BLTP1: variants seen among roughly 807,000 people sequenced by gnomAD.
BLTP1 encodes the protein fragile site-associated protein.
chr4:122,200,904 A>G, the BLTP1 span: 1 of 1,465,746 alleles, frequency 6.8e-7, no homozygotes, highest in Admixed American at 2.5e-5. Flanking sequence ...CTCAGTAGGA[A>G]AATGTTTTAA....
At chr4:122,192,598 TGATTGATTAGAATTA>T in the BLTP1 span, among the ~76,000 whole-genome samples, 1 of 152,130 alleles carries the variant, frequency 6.6e-6, no homozygotes, top group African/African-American at 2.4e-5. Context: ...TATCTAATTC[TGATTGATTAGAATTA>T]GATTGATTAG....
the BLTP1 span, chr4:122,247,044 G>T: frequency 7.7e-7 from 1 of 1,298,516 alleles, no homozygotes; most frequent in Non-Finnish European, 1.0e-6. Flanking sequence ...TACTACTATT[G>T]GTGTATAATA....
the BLTP1 span, chr4:122,336,811 C>A: frequency 6.8e-7 from 1 of 1,475,870 alleles, no homozygotes; most frequent in Non-Finnish European, 9.1e-7. Flanking sequence ...CTAGTATAAA[C>A]AATAAGGATC....
the BLTP1 span, chr4:122,238,105 C>T: frequency 6.2e-7 from 1 of 1,613,402 alleles, no homozygotes; most frequent in Non-Finnish European, 8.5e-7. Context: ...ATGTGAATGG[C>T]ATGAAGAGGA....
chr4:122,278,371 CAGAA>C, the BLTP1 span, among the ~76,000 whole-genome samples: 2 of 152,058 alleles, frequency 1.3e-5, no homozygotes, highest in Admixed American at 1.3e-4. Flanking sequence ...CAAAAAAAGT[CAGAA>C]GGAGCCAAAT....
chr4:122,299,154 C>A, the BLTP1 span: 1 of 984,274 alleles, frequency 1.0e-6, no homozygotes, highest in Admixed American at 6.2e-5. Context: ...TGGCAAACAT[C>A]ATGTAGGAAG....
the BLTP1 span, chr4:122,162,732 C>CAAAA: frequency 1.3e-6 from 1 of 744,492 alleles, no homozygotes; most frequent in Non-Finnish European, 1.6e-6. Context: ...ATAACAACAA[C>CAAAA]AACAAAAAAA....
At chr4:122,290,477 C>A in the BLTP1 span, among the ~76,000 whole-genome samples, 1 of 151,880 alleles carries the variant, frequency 6.6e-6, no homozygotes, top group African/African-American at 2.4e-5. Context: ...AGAATACTTT[C>A]AAGATAGTTT....
chr4:122,310,905 A>G, the BLTP1 span: 1 of 932,732 alleles, frequency 1.1e-6, no homozygotes, highest in Non-Finnish European at 1.3e-6. Flanking sequence ...CATGCCTATT[A>G]TCCAAAAGAC....
the BLTP1 span, chr4:122,211,113 A>C: frequency 6.3e-7 from 1 of 1,590,042 alleles, no homozygotes; most frequent in Non-Finnish European, 8.6e-7. Flanking sequence ...TCTTAAAAAC[A>C]ACTTACATAC....
At chr4:122,229,666 A>G in the BLTP1 span, 2 of 925,778 alleles carry the variant, frequency 2.2e-6, no homozygotes, top group Non-Finnish European at 2.6e-6. Flanking sequence ...TTCATTATTT[A>G]CTTCTCTTGT....
At chr4:122,266,362 A>C in the BLTP1 span, among the ~76,000 whole-genome samples, 1 of 152,200 alleles carries the variant, frequency 6.6e-6, no homozygotes, top group Non-Finnish European at 1.5e-5. Flanking sequence ...AACATTTATA[A>C]TGTTTTTATA....
chr4:122,247,466 T>G, the BLTP1 span: 1 of 1,298,994 alleles, frequency 7.7e-7, no homozygotes. Flanking sequence ...TTCGGTATTC[T>G]ATAAGAAAGA....
chr4:122,194,913 A>G, the BLTP1 span, among the ~76,000 whole-genome samples: 1 of 151,826 alleles, frequency 6.6e-6, no homozygotes, highest in Non-Finnish European at 1.5e-5. Flanking sequence ...TTATTTAAAA[A>G]AGAAAAAAAA....
At chr4:122,189,893 G>GT in the BLTP1 span, 1,033 of 1,442,260 alleles carry the variant, frequency 7.2e-4, no homozygotes, top group African/African-American at 2.2e-3. Flanking sequence ...GTGCTTGTTA[G>GT]TTTTTTTTTC....
chr4:122,300,019 A>C, the BLTP1 span: 2 of 864,570 alleles, frequency 2.3e-6, no homozygotes, highest in Non-Finnish European at 2.8e-6. Flanking sequence ...ATATTTTTTT[A>C]TTTTGTTTTT....
At chr4:122,208,963 C>T in the BLTP1 span, 1 of 373,898 alleles carries the variant, frequency 2.7e-6, no homozygotes, top group Admixed American at 6.9e-5. Flanking sequence ...TCACTCCAAC[C>T]TCAGTGACAG....
chr4:122,246,674 G>A, the BLTP1 span: 1 of 1,604,568 alleles, frequency 6.2e-7, no homozygotes, highest in Non-Finnish European at 8.5e-7. Context: ...AATTTTGTGT[G>A]TGTGTTAGGT....
the BLTP1 span, chr4:122,267,006 G>T: frequency 1.2e-6 from 1 of 845,358 alleles, no homozygotes; most frequent in Non-Finnish European, 1.7e-6. Flanking sequence ...ATTATAATAC[G>T]TTTGTTTTTT....
Sources: gnomAD v4.1 joint callset for allele counts (sites outside exome capture counted in the v4.1 genomes callset) on GRCh38, gnomAD v4.1.1 for gene constraint, MANE v1.5 for transcripts, NCBI Gene and HGNC (gene_info 2026-07-23, HGNC 2026-07-21) for gene names.